The following ABL2 variants were observed in gnomAD, a reference collection of about 807,000 sequenced individuals.
The protein encoded by ABL2 is tyrosine-protein kinase ABL2.
Under a neutral mutation model 107.7 loss-of-function variants are expected in ABL2, and 49 were observed. That is an observed-to-expected ratio of 0.45 (90% CI 0.36 to 0.58). The LOEUF (loss-of-function observed/expected upper bound fraction) is 0.58, where lower values mean the gene tolerates loss of function less well. ABL2 is among the 20% of genes least tolerant of loss of function. ABL2 has a pLI of 0.00. For missense variants in ABL2, 1,245 were observed against 1,457.0 expected (o/e 0.85, Z 2.37); for synonymous variants, 549 against 548.6 (o/e 1.00, Z -0.01).
At position 179,109,017 on chromosome 1, in the gene ABL2, G is replaced by C. The variant is rs1359827512; in HGVS notation, c.2250C>G (p.Gly750=). Residue 750 remains glycine, a synonymous_variant, in exon 12 of 12, where the codon GGC becomes GGG. Transcript: ENST00000502732. ...TAGGGWSGIT[G]FFTPRLIKKT... is the part of the protein sequence containing the mutation. ...TTTTGATTAAGCGTGGTGTAAAGAA[G>C]CCTGTGATGCCAGACCACCCACCCC... 6.2e-7 allele frequency: 1 copy of C among 1,613,754 alleles called. No individual in the cohort carries two copies. The highest frequency in any genetic ancestry group is 1.3e-5 in the African/African-American group (1 of 74,980).
At chr1:179,212,834 A>G (rs1013252774) in intron 1 of ABL2, among the ~76,000 whole-genome samples, 1 of 150,508 alleles carries the variant, frequency 6.6e-6, no homozygotes, top group African/African-American at 2.4e-5. Context: ...ATCACCTGAG[A>G]TCTGGAGCTC....
rs149984339 is a variant in ABL2 at position 179,102,648 on chromosome 1, T to C, written c.*5070A>G. On this transcript the variant is annotated 3_prime_UTR_variant, in exon 12 of 12. Coordinates refer to ENST00000502732, the MANE Select transcript of ABL2 (RefSeq NM_007314.4). ...AACTCAAAAATCAAGAACAAAAATATAGATAACCCTGTCAACCCAATATGA... is the reference window on the plus strand; with the variant it reads ...AACTCAAAAATCAAGAACAAAAATACAGATAACCCTGTCAACCCAATATGA... 3.1e-5 allele frequency: 7 copies of C among 229,292 alleles called. No individual in the cohort carries two copies. Among genetic ancestry groups the C allele is most frequent in the South Asian group, 1.8e-4 (1 of 5,492 alleles). 14.2% of individuals were successfully genotyped at this position (229,292 alleles called of 1,614,324 possible). A position where few individuals can be genotyped will look rare whatever the true frequency, so the allele number is the denominator to read the frequency against.
rs1430721502 is a variant in ABL2 at position 179,229,430 on chromosome 1, A to C, written c.-33T>G. On this transcript the variant is annotated 5_prime_UTR_variant, in exon 1 of 12. Coordinates refer to ENST00000502732, the MANE Select transcript of ABL2 (RefSeq NM_007314.4). Reference sequence around the variant, plus strand: ...CTCGCGTACTCCCGCGCCCCCGCCGACCCCTGGTCACATTCCTCCTCGGCT... The same window carrying C: ...CTCGCGTACTCCCGCGCCCCCGCCGCCCCCTGGTCACATTCCTCCTCGGCT... 5 of 1,431,142 alleles carry C rather than the reference A, an allele frequency of 3.5e-6. No individual in the cohort carries two copies. Among genetic ancestry groups the C allele is most frequent in the Non-Finnish European group, 4.5e-6 (5 of 1,100,854 alleles). The allele number at this position is 1,431,142 out of a possible 1,614,324, so 88.7% of individuals were successfully genotyped here.
At position 179,152,845 on chromosome 1, in the gene ABL2, C is replaced by G. The variant is rs185826732; in HGVS notation, c.158-19471G>C. On this transcript the variant is annotated intron_variant, in intron 1 of 11. Coordinates refer to ENST00000502732, the MANE Select transcript of ABL2 (RefSeq NM_007314.4). ...CCACAGAATGGAGAACAGACAGATT[C>G]AAGAAATCTTTTGGAGAAGGGATTT... Among the ~76,000 whole-genome samples, 644 of 152,198 alleles carry G rather than the reference C, an allele frequency of 4.2e-3. 9 individuals are homozygous for G. The highest frequency in any genetic ancestry group is 7.6e-3 in the Non-Finnish European group (516 of 68,010).
chr1:179,147,180 G>GAAAAAAAAA (rs759304566), intron 1 of ABL2, among the ~76,000 whole-genome samples: 1 of 5,830 alleles, frequency 1.7e-4, no homozygotes, highest in African/African-American at 1.1e-3. Context: ...TCAGAGAAAT[G>GAAAAAAAAA]CAAAAAAAAA....
At chr1:179,195,225 T>C (rs944732127) in intron 1 of ABL2, among the ~76,000 whole-genome samples, 7 of 152,048 alleles carry the variant, frequency 4.6e-5, no homozygotes, top group Non-Finnish European at 8.8e-5. Context: ...GAGACTGAGG[T>C]TGCAGTGAGC....
intron 11 of ABL2, 60 bp from the exon 12 acceptor site, chr1:179,109,501 G>A: frequency 6.5e-7 from 1 of 1,538,204 alleles, no homozygotes; most frequent in Non-Finnish European, 8.7e-7. Context: ...TTACATTTGA[G>A]TTACCGAGGC....
In ABL2 at chr1:179,126,586, T is replaced by C; in HGVS notation, c.478A>G (p.Asn160Asp). 6.2e-7 allele frequency: 1 copy of C among 1,614,210 alleles called. No individual in the cohort carries two copies. Among genetic ancestry groups the C allele is most frequent in the Non-Finnish European group, 8.5e-7 (1 of 1,180,040 alleles). Residue 160 changes from asparagine to aspartate, a missense_variant, in exon 4 of 12, where the codon AAC (asparagine) becomes GAC (aspartate). Physicochemically the swap from Asn to Asp is conservative, Grantham distance 23. Transcript: ENST00000502732. The surrounding 1 kb of genome is among the most constrained non-coding windows in gnomAD (Gnocchi z 4.4). ...SKNGQGWVPS[N>D]YITPVNSLEK... The stretch of plus-strand genomic sequence containing the variant: ...AGGCTGTTCACTGGGGTGATGTAGT[T>C]GCTTGGCACCCAGCCCTGCCCATTC...
At chr1:179,136,733 TAAATAAATAAAAATAA>T (rs1557944735) in intron 1 of ABL2, among the ~76,000 whole-genome samples, 1 of 147,944 alleles carries the variant, frequency 6.8e-6, no homozygotes, top group African/African-American at 2.5e-5. Flanking sequence ...AATAAATAAA[TAAATAAATAAAAATAA>T]AAATAAAAAT....
intron 1 of ABL2, among the ~76,000 whole-genome samples, chr1:179,189,146 T>C (rs1296332127): frequency 6.6e-6 from 1 of 152,188 alleles, no homozygotes; most frequent in Non-Finnish European, 1.5e-5. Context: ...GTTATTGTTG[T>C]TGTTTTGAGA....
chr1:179,157,689 A>G (rs536265192), intron 1 of ABL2, among the ~76,000 whole-genome samples: 1 of 151,408 alleles, frequency 6.6e-6, no homozygotes, highest in Admixed American at 6.7e-5. Flanking sequence ...AAGTTATCCA[A>G]AAGACAAATT....
rs140016842 is a variant in ABL2, at chr1:179,108,178, A to G, written c.3089T>C (p.Val1030Ala). ...CCTCCCAGCTTTCCCACTGATGGGC[A>G]CTGCGCCCAGAGCTGCCTTCTTTCC... Reference protein sequence around the residue: ...EGGKKAALGAVPISGKAGRPV... With the variant: ...EGGKKAALGAAPISGKAGRPV... Residue 1030 changes from valine to alanine, a missense_variant, in exon 12 of 12, where the codon GTG becomes GCG. By Grantham distance (64) the Val-to-Ala change is moderately conservative. Around this residue, in one of 3 missense-constraint regions of ABL2, gnomAD observed 761 missense variants for 766.4 expected, o/e 0.99. Coordinates refer to ENST00000502732, the MANE Select transcript of ABL2 (RefSeq NM_007314.4). The G allele has an allele frequency of 1.2e-6, 2 of 1,614,072 alleles. No individual in the cohort carries two copies. Among genetic ancestry groups the G allele is most frequent in the African/African-American group, 2.7e-5 (2 of 74,914 alleles).
intron 1 of ABL2, among the ~76,000 whole-genome samples, chr1:179,206,371 T>C (rs987788265): frequency 3.3e-5 from 5 of 152,144 alleles, no homozygotes; most frequent in Non-Finnish European, 5.9e-5. Context: ...ATTTATTCTA[T>C]AGCCATACTA....
chr1:179,155,622 T>A (rs1047502539), intron 1 of ABL2, among the ~76,000 whole-genome samples: 2 of 151,408 alleles, frequency 1.3e-5, no homozygotes, highest in African/African-American at 2.4e-5. Context: ...TCCCAGCTAC[T>A]CAGGAGGCTG....
chr1:179,172,147 G>A (rs569406277), intron 1 of ABL2, among the ~76,000 whole-genome samples: 152 of 152,202 alleles, frequency 1.0e-3, no homozygotes, highest in African/African-American at 3.4e-3. Flanking sequence ...TTTTCAAATA[G>A]CAAAGACTAG....
intron 1 of ABL2, among the ~76,000 whole-genome samples, chr1:179,171,509 TA>T (rs1233191148): frequency 1.3e-5 from 2 of 152,238 alleles, no homozygotes; most frequent in African/African-American, 4.8e-5. Flanking sequence ...GAATGACTTT[TA>T]AAGACACAGG....
At chr1:179,120,587 G>T (rs1185639585) in intron 5 of ABL2, among the ~76,000 whole-genome samples, 1 of 152,022 alleles carries the variant, frequency 6.6e-6, no homozygotes, top group African/African-American at 2.4e-5. Flanking sequence ...ACCATGCCTG[G>T]CTACTTTTTG....
chr1:179,106,037 T>C lies in ABL2; in HGVS notation c.*1681A>G, dbSNP rs534680750. 6 of 217,988 alleles carry C rather than the reference T, an allele frequency of 2.8e-5. No homozygotes were observed. Among genetic ancestry groups the C allele is most frequent in the African/African-American group, 1.1e-4 (5 of 44,610 alleles). The allele number at this position is 217,988 out of a possible 1,614,324, so 13.5% of individuals were successfully genotyped here. ...AGGCTGTGGTTTGACAGTGTATCAA[T>C]GACAGAGCCAGAAGAAAACTCAGTG... On this transcript the variant is annotated 3_prime_UTR_variant, in exon 12 of 12. Coordinates refer to ENST00000502732, the MANE Select transcript of ABL2 (RefSeq NM_007314.4).
rs1192510318 is a variant in ABL2, at chr1:179,105,682, AACCTGG to A, written c.*2030_*2035del. The A allele has an allele frequency of 4.4e-6, 1 of 226,512 alleles. No individual in the cohort carries two copies. The highest frequency in any genetic ancestry group is 2.2e-5 in the African/African-American group (1 of 44,950). 14.0% of individuals were successfully genotyped at this position (226,512 alleles called of 1,614,324 possible). A position where few individuals can be genotyped will look rare whatever the true frequency, so the allele number is the denominator to read the frequency against. On this transcript the variant is annotated 3_prime_UTR_variant, in exon 12 of 12. Transcript: ENST00000502732. The stretch of plus-strand genomic sequence containing the variant: ...ACCGCGTGTCTCCTCTAATCCTCTT[AACCTGG>A]GCCTCCTTTGGAGCAGCAATGGTAA...
Sources: allele counts gnomAD v4.1 joint callset (sites outside exome capture counted in the v4.1 genomes callset), GRCh38; gene constraint gnomAD v4.1.1; regional missense constraint gnomAD v4.1.1; non-coding constraint Gnocchi (gnomAD v3.1); transcripts MANE v1.5; gene names NCBI Gene and HGNC (gene_info 2026-07-23, HGNC 2026-07-21).